TSPEAR: variants seen among roughly 807,000 people sequenced by gnomAD.
The protein encoded by TSPEAR is thrombospondin type laminin G domain and EAR repeats, also known as thrombospondin-type laminin G domain and EAR repeat-containing protein.
TSPEAR carries 69 observed loss-of-function variants against 71.6 expected under a neutral mutation model. The observed-to-expected ratio is 0.96, with a 90% CI of 0.79 to 1.18. TSPEAR has a LOEUF of 1.18. Among genes scored for constraint, TSPEAR ranks in the 50% most tolerant of loss-of-function variants. The pLI, the probability that TSPEAR is intolerant of heterozygous loss-of-function variation, is 0.00. For missense variants in TSPEAR, 971 were observed against 894.9 expected (o/e 1.09, Z -1.09); for synonymous variants, 402 against 387.2 (o/e 1.04, Z -0.45).
chr21:44,673,794 T>C (rs73234816), intron 1 of TSPEAR, among the ~76,000 whole-genome samples: 5,988 of 152,138 alleles, frequency 0.039, 129 homozygotes, highest in Middle Eastern at 0.085. Flanking sequence ...AACTAGATAT[T>C]AATAACAAGA....
At chr21:44,681,390 G>T (rs1160632459) in intron 1 of TSPEAR, among the ~76,000 whole-genome samples, 1 of 152,226 alleles carries the variant, frequency 6.6e-6, no homozygotes, top group Non-Finnish European at 1.5e-5. Flanking sequence ...CACTGCAGCT[G>T]GGCCCCAGGA....
intron 8 of TSPEAR, among the ~76,000 whole-genome samples, chr21:44,522,650 A>G (rs906960354): frequency 1.3e-5 from 2 of 152,278 alleles, no homozygotes; most frequent in South Asian, 4.1e-4. Context: ...AATGGCAGGT[A>G]CTCATGGTGG....
chr21:44,511,383 C>T (rs185016416), intron 9 of TSPEAR, among the ~76,000 whole-genome samples: 116 of 151,872 alleles, frequency 7.6e-4, no homozygotes, highest in Middle Eastern at 6.8e-3. Context: ...TATATGCTTA[C>T]ATTTTTACAT....
intron 1 of TSPEAR, chr21:44,681,994 C>A: frequency 1.2e-6 from 2 of 1,610,070 alleles, no homozygotes; most frequent in Non-Finnish European, 1.7e-6. Context: ...GGCACACACA[C>A]GGCTGGCTTG....
intron 1 of TSPEAR, chr21:44,677,929 A>AT: frequency 7.2e-7 from 1 of 1,390,898 alleles, no homozygotes; most frequent in Non-Finnish European, 1.0e-6. Context: ...CCACCAAAAA[A>AT]CAAAAGGCCA....
chr21:44,648,137 G>A (rs1338176932), intron 1 of TSPEAR, among the ~76,000 whole-genome samples: 1 of 152,240 alleles, frequency 6.6e-6, no homozygotes, highest in Non-Finnish European at 1.5e-5. Context: ...CCCAAGAGGG[G>A]TCCTGGAGTT....
intron 2 of TSPEAR, among the ~76,000 whole-genome samples, chr21:44,544,968 TAGAC>T (rs2053277823): frequency 6.6e-6 from 1 of 150,418 alleles, no homozygotes; most frequent in Non-Finnish European, 1.5e-5. Context: ...AAGAAAGAAA[TAGAC>T]AGTTCTGGTT....
intron 2 of TSPEAR, chr21:44,540,309 C>G: frequency 8.0e-7 from 1 of 1,243,614 alleles, no homozygotes; most frequent in Non-Finnish European, 1.1e-6. Context: ...CCACAGCGTC[C>G]CCTTCCTGGT....
intron 1 of TSPEAR, chr21:44,681,769 C>T: frequency 6.5e-7 from 1 of 1,547,340 alleles, no homozygotes; most frequent in Non-Finnish European, 8.8e-7. Flanking sequence ...ACTGAGGACT[C>T]ATCCAGGGAG....
intron 1 of TSPEAR, chr21:44,574,984 C>G: frequency 6.2e-7 from 1 of 1,611,280 alleles, no homozygotes; most frequent in Non-Finnish European, 8.5e-7. Flanking sequence ...TGCTCCCGCC[C>G]AGCCTGCTGA....
chr21:44,635,928 G>A (rs73907089), intron 1 of TSPEAR, among the ~76,000 whole-genome samples: 2,209 of 152,292 alleles, frequency 0.015, 54 homozygotes, highest in African/African-American at 0.051. Context: ...GGTGGGAGAC[G>A]TGTGTTTAAA....
intron 2 of TSPEAR, chr21:44,539,428 C>T (rs782369036): frequency 1.5e-5 from 24 of 1,602,564 alleles, no homozygotes; most frequent in Non-Finnish European, 2.0e-5. Context: ...AGCAGGCGGG[C>T]CGGCATACAG....
chr21:44,528,459 C>T lies in TSPEAR; in HGVS notation c.915G>A (p.Val305=), dbSNP rs201202780. 2.1e-5 allele frequency: 34 copies of T among 1,613,748 alleles called. No homozygotes were observed. Among genetic ancestry groups the T allele is most frequent in the Middle Eastern group, 1.6e-4 (1 of 6,084 alleles). The change falls in exon 6 of 12, where the codon GTG becomes GTA. Residue 305 remains valine, a synonymous_variant. Coordinates refer to ENST00000323084, the MANE Select transcript of TSPEAR (RefSeq NM_144991.3). ...YLCVGNEWVS[V]LAAKERLDYV... Reference sequence around the variant, plus strand: ...GGTGCAGGGCTGCCTCACCTGCTAACACGGAGACCCACTCGTTGCCAACAC... The same window carrying T: ...GGTGCAGGGCTGCCTCACCTGCTAATACGGAGACCCACTCGTTGCCAACAC...
chr21:44,532,232 T>G (rs2052988113), intron 3 of TSPEAR, among the ~76,000 whole-genome samples: 1 of 152,262 alleles, frequency 6.6e-6, no homozygotes, highest in African/African-American at 2.4e-5. Flanking sequence ...CGGGGAACAT[T>G]CCTAATCATT....
In TSPEAR at chr21:44,612,962, G is replaced by C. The variant is rs1284322751; in HGVS notation, c.83-44957C>G. On this transcript the variant is annotated intron_variant, in intron 1 of 11. Transcript: ENST00000323084. This position sits in a 1 kb window ranked among gnomAD's most constrained non-coding sequence, Gnocchi z 4.1. ...CGGCTCCGGTCCTGTCCTGGGTTAA[G>C]TGGCTGCCCCTACCTGGGATGGGGT... 4 of 1,563,772 alleles carry C rather than the reference G, an allele frequency of 2.6e-6. No homozygotes were observed. In the African/African-American group the frequency reaches 5.4e-5, roughly 21 times the overall value.
chr21:44,705,259 AT>A (rs1555952146), intron 1 of TSPEAR, among the ~76,000 whole-genome samples: 1 of 152,140 alleles, frequency 6.6e-6, no homozygotes, highest in African/African-American at 2.4e-5. Flanking sequence ...TAATCTCTTA[AT>A]CCTGTCAGTT....
chr21:44,503,807 C>T (rs1309102019), intron 11 of TSPEAR, among the ~76,000 whole-genome samples: 1 of 138,862 alleles, frequency 7.2e-6, no homozygotes, highest in Non-Finnish European at 1.5e-5. Flanking sequence ...TCGGTGAGCC[C>T]TCGGGGGGAA....
chr21:44,518,558 G>C, intron 9 of TSPEAR: 1 of 442,266 alleles, frequency 2.3e-6, no homozygotes, highest in African/African-American at 2.0e-5. Context: ...CAGCCTCTCC[G>C]TGGCACAACA....
At position 44,510,328 on chromosome 21, in the gene TSPEAR, C is replaced by T. The variant is rs1430193885; in HGVS notation, c.1567-942G>A. Among the ~76,000 whole-genome samples, 3 of 152,232 alleles carry T rather than the reference C, an allele frequency of 2.0e-5. No individual in the cohort carries two copies. In the East Asian group the frequency reaches 5.8e-4, roughly 29 times the overall value. On this transcript the variant is annotated intron_variant, in intron 9 of 11. Coordinates refer to ENST00000323084, the MANE Select transcript of TSPEAR (RefSeq NM_144991.3). ...GTCATGCTGCGGGGCTGTGTCTCTTCCTGACTCACCCCCGTCCGGAGGGCC... is the reference window on the plus strand; with the variant it reads ...GTCATGCTGCGGGGCTGTGTCTCTTTCTGACTCACCCCCGTCCGGAGGGCC...
Sources: allele counts gnomAD v4.1 joint callset (sites outside exome capture counted in the v4.1 genomes callset), GRCh38; gene constraint gnomAD v4.1.1; non-coding constraint Gnocchi (gnomAD v3.1); transcripts MANE v1.5; gene names NCBI Gene and HGNC (gene_info 2026-07-23, HGNC 2026-07-21).